Variants in ZFHX3 observed in about 807,000 individuals in gnomAD.
ZFHX3 encodes the protein zinc finger homeobox protein 3.
ZFHX3 carries 42 observed loss-of-function variants against 279.1 expected under a neutral mutation model. The ratio of observed to expected loss-of-function variants is 0.15; its 90% CI spans 0.12 to 0.19. The LOEUF is 0.19. Ranked by LOEUF, ZFHX3 falls within the 10% of genes least tolerant of loss-of-function variation. The pLI is 1.00. For synonymous variants in ZFHX3, 2,293 were observed against 1,957.8 expected, an observed-to-expected ratio of 1.17 and a Z score of -4.52; for missense variants, 4,981 against 4,754.0, an observed-to-expected ratio of 1.05 and a Z score of -1.40.
upstream of ZFHX3, among the ~76,000 whole-genome samples, chr16:73,052,061 T>C (rs1379506477): frequency 6.6e-6 from 1 of 152,072 alleles, no homozygotes; most frequent in Non-Finnish European, 1.5e-5. Flanking sequence ...TCATAGGCCA[T>C]TCCCACCGTC....
intron 1 of ZFHX3, among the ~76,000 whole-genome samples, chr16:73,761,636 A>G (rs1461620687): frequency 2.6e-5 from 4 of 152,202 alleles, no homozygotes; most frequent in Non-Finnish European, 4.4e-5. Flanking sequence ...AAAAACAGAC[A>G]CATAGACCAA....
intron 3 of ZFHX3, among the ~76,000 whole-genome samples, chr16:72,912,102 G>C (rs578096099): frequency 2.0e-5 from 3 of 152,192 alleles, no homozygotes; most frequent in Admixed American, 2.0e-4. Flanking sequence ...CAGCAAACAT[G>C]TGCCATTGCT....
At chr16:73,026,903 T>C (rs1044540193) in intron 1 of ZFHX3, among the ~76,000 whole-genome samples, 1 of 152,128 alleles carries the variant, frequency 6.6e-6, no homozygotes, top group African/African-American at 2.4e-5. Context: ...AGCAGTAGAT[T>C]TGGAGCTAGA....
intron 1 of ZFHX3, among the ~76,000 whole-genome samples, chr16:73,780,861 A>C (rs537017883): frequency 2.6e-5 from 4 of 152,244 alleles, no homozygotes; most frequent in Non-Finnish European, 5.9e-5. Flanking sequence ...AAAGTGCAAC[A>C]TAACTGCCAA....
At position 73,867,003 on chromosome 16, in the gene ZFHX3, G is replaced by T. The variant is rs536766078; in HGVS notation, c.-1608+24648C>A. Among the ~76,000 whole-genome samples, 5 of 152,116 alleles carry T rather than the reference G, an allele frequency of 3.3e-5. No homozygotes were observed. The South Asian group carries it at 1.0e-3, about 32-fold the overall frequency. On this transcript the variant is annotated intron_variant, in intron 1 of 17. Transcript: ENST00000641206. ...GGGCATTCAATTTCTGGCATCTCAC[G>T]TCGTCTTGTGCTTGGGCTGGGCTAT...
chr16:73,492,960 A>C (rs546457422), intron 2 of ZFHX3, among the ~76,000 whole-genome samples: 22 of 152,352 alleles, frequency 1.4e-4, no homozygotes, highest in African/African-American at 4.6e-4. Flanking sequence ...AATGTTAATC[A>C]AGTGAATAAT....
chr16:73,879,025 C>A (rs2030052605), intron 1 of ZFHX3, among the ~76,000 whole-genome samples: 2 of 150,622 alleles, frequency 1.3e-5, no homozygotes, highest in African/African-American at 4.9e-5. Context: ...GATCTCCTCC[C>A]AGCATTTTGC....
intron 5 of ZFHX3, among the ~76,000 whole-genome samples, chr16:73,180,487 C>CA (rs1319674770): frequency 6.6e-6 from 1 of 152,196 alleles, no homozygotes; most frequent in Admixed American, 6.5e-5. Context: ...CGTGAGTGGG[C>CA]ACGAAGCCAC....
At chr16:73,189,884 A>T (rs1967990443) in intron 5 of ZFHX3, among the ~76,000 whole-genome samples, 1 of 152,210 alleles carries the variant, frequency 6.6e-6, no homozygotes, top group Non-Finnish European at 1.5e-5. Context: ...ACCTGAGCCC[A>T]GGAGTTCAAG....
intron 4 of ZFHX3, among the ~76,000 whole-genome samples, chr16:72,832,735 T>A (rs540831036): frequency 6.8e-6 from 1 of 146,816 alleles, no homozygotes; most frequent in African/African-American, 2.6e-5. Context: ...GACCTACAGG[T>A]GTCGCCCTCC....
chr16:73,526,320 A>T (rs1423766190), intron 2 of ZFHX3, among the ~76,000 whole-genome samples: 1 of 152,244 alleles, frequency 6.6e-6, no homozygotes, highest in Admixed American at 6.5e-5. Context: ...AGTGCGCTCT[A>T]GCAAGGCCTT....
chr16:73,024,464 C>T (rs1322302734), intron 1 of ZFHX3, among the ~76,000 whole-genome samples: 2 of 152,212 alleles, frequency 1.3e-5, no homozygotes. Context: ...GCACCATTGA[C>T]TACCCAAGCC....
At chr16:73,838,138 TG>T (rs1488876758) in intron 1 of ZFHX3, among the ~76,000 whole-genome samples, 2 of 152,220 alleles carry the variant, frequency 1.3e-5, no homozygotes, top group East Asian at 3.9e-4. Flanking sequence ...TGTCAGGTTT[TG>T]ACTGAATTTG....
intron 2 of ZFHX3, among the ~76,000 whole-genome samples, chr16:73,537,488 T>A (rs1334320019): frequency 6.6e-6 from 1 of 152,118 alleles, no homozygotes; most frequent in Non-Finnish European, 1.5e-5. Flanking sequence ...GGCTAATTGT[T>A]TGTATTTCTA....
At chr16:73,842,200 G>C (rs1251163328) in intron 1 of ZFHX3, among the ~76,000 whole-genome samples, 3 of 151,396 alleles carry the variant, frequency 2.0e-5, no homozygotes, top group African/African-American at 7.3e-5. Context: ...TGGGCAACAA[G>C]AGCGAAACTC....
chr16:73,858,001 C>T (rs139476508), intron 1 of ZFHX3, among the ~76,000 whole-genome samples: 45 of 151,496 alleles, frequency 3.0e-4, no homozygotes, highest in African/African-American at 1.1e-3. Context: ...GAGGCTGAGG[C>T]AGGAGAATTG....
Position 73,223,374 on chromosome 16 carries a change from T to C in ZFHX3, c.-1104+33673A>G, listed in dbSNP as rs149076269. ...ACAAAGAACTCTTAAAACTCAACAA[T>C]AGGAAACAACAGTCTAATTAGAAAA... On this transcript the variant is annotated intron_variant, in intron 5 of 17. Coordinates refer to the ZFHX3 transcript ENST00000641206. Among the ~76,000 whole-genome samples, 350 of 152,074 alleles carry C rather than the reference T, an allele frequency of 2.3e-3. 1 individual carries two copies. The highest frequency in any genetic ancestry group is 4.9e-3 in the Admixed American group (75 of 15,286).
At chr16:72,878,950 G>T (rs562141076) in intron 4 of ZFHX3, among the ~76,000 whole-genome samples, 4 of 152,330 alleles carry the variant, frequency 2.6e-5, no homozygotes, top group African/African-American at 9.6e-5. Flanking sequence ...ATCCAAGATT[G>T]CCAGGAAGGG....
intron 1 of ZFHX3, among the ~76,000 whole-genome samples, chr16:73,788,971 C>T (rs1049029054): frequency 2.0e-5 from 3 of 151,018 alleles, no homozygotes; most frequent in South Asian, 2.1e-4. Context: ...ATAATAGTAG[C>T]GGTAAAAATA....
Sources: allele counts gnomAD v4.1 joint callset (sites outside exome capture counted in the v4.1 genomes callset), GRCh38; gene constraint gnomAD v4.1.1; transcripts MANE v1.5; gene names NCBI Gene and HGNC (gene_info 2026-07-23, HGNC 2026-07-21).